TSHR: variants seen among roughly 807,000 people sequenced by gnomAD.
TSHR encodes thyrotropin receptor.
TSHR carries 51 observed loss-of-function variants against 64.1 expected under a neutral mutation model. That is an observed-to-expected ratio of 0.80 (90% CI 0.64 to 1.01). TSHR has a LOEUF of 1.01. TSHR is among the 50% of genes least tolerant of loss of function. The probability of loss-of-function intolerance (pLI) is 0.00; values close to 1 mark genes in which losing one functional copy is unlikely to be tolerated. For synonymous variants in TSHR, 361 were observed against 361.9 expected (o/e 1.00, Z 0.03); for missense variants, 877 against 942.8 (o/e 0.93, Z 0.91).
intron 7 of TSHR, 51 bp from the exon 8 acceptor site, chr14:81,108,324 C>A (rs901533583): frequency 1.4e-6 from 2 of 1,413,900 alleles, no homozygotes; most frequent in Admixed American, 1.7e-5. Flanking sequence ...GATGTGATTT[C>A]TTAAAATCAC....
intron 8 of TSHR, among the ~76,000 whole-genome samples, chr14:81,129,780 G>A (rs540144498): frequency 9.9e-5 from 15 of 152,156 alleles, no homozygotes; most frequent in Middle Eastern, 3.4e-3. Flanking sequence ...CCTCTCTTCC[G>A]TATTTTAAGT....
chr14:81,025,378 ATAAT>A (rs1419141935), intron 1 of TSHR, among the ~76,000 whole-genome samples: 2 of 152,182 alleles, frequency 1.3e-5, no homozygotes, highest in African/African-American at 4.8e-5. Context: ...AAAATTGTAT[ATAAT>A]TAAACTTGCA....
chr14:81,106,438 A>G (rs938362806), intron 7 of TSHR, among the ~76,000 whole-genome samples: 12 of 152,204 alleles, frequency 7.9e-5, no homozygotes, highest in African/African-American at 2.9e-4. Flanking sequence ...ACTCATTCAC[A>G]TATTCATCCA....
At chr14:81,130,681 C>G (rs1180267467) in intron 8 of TSHR, among the ~76,000 whole-genome samples, 1 of 152,174 alleles carries the variant, frequency 6.6e-6, no homozygotes, top group East Asian at 1.9e-4. Flanking sequence ...ACAATTCTCC[C>G]AAATTCCACG....
At chr14:81,104,418 G>A in intron 7 of TSHR, 3 of 985,384 alleles carry the variant, frequency 3.0e-6, no homozygotes, top group Non-Finnish European at 3.6e-6. Context: ...GAGCTGCAAT[G>A]TATCCTAAAA....
intron 1 of TSHR, among the ~76,000 whole-genome samples, chr14:80,976,623 A>C (rs1376442079): frequency 6.6e-6 from 1 of 152,058 alleles, no homozygotes; most frequent in Non-Finnish European, 1.5e-5. Context: ...TTCCAAATAT[A>C]TTTCTCCCTG....
At chr14:81,021,655 G>C (rs1883758936) in intron 1 of TSHR, among the ~76,000 whole-genome samples, 1 of 152,136 alleles carries the variant, frequency 6.6e-6, no homozygotes, top group South Asian at 2.1e-4. Flanking sequence ...TTGTTTAATT[G>C]CATTTATTGC....
chr14:80,981,519 A>T (rs1169450990), intron 1 of TSHR, among the ~76,000 whole-genome samples: 2 of 151,470 alleles, frequency 1.3e-5, no homozygotes, highest in Non-Finnish European at 2.9e-5. Flanking sequence ...TAGCTAGAGG[A>T]CTCTTCTTTT....
intron 8 of TSHR, among the ~76,000 whole-genome samples, chr14:81,123,814 G>A (rs1264442345): frequency 6.6e-6 from 1 of 152,094 alleles, no homozygotes. Flanking sequence ...ATTTAGTTTG[G>A]AAGTATAATA....
chr14:81,102,921 A>G (rs1792283703), intron 7 of TSHR: 1 of 985,346 alleles, frequency 1.0e-6, no homozygotes, highest in African/African-American at 1.7e-5. Flanking sequence ...TCATAATAGA[A>G]AACAAATTTT....
chr14:80,982,444 C>G (rs1888222597), intron 1 of TSHR: 2 of 1,182,738 alleles, frequency 1.7e-6, no homozygotes, highest in Non-Finnish European at 2.3e-6. Context: ...GGAGTTGGAG[C>G]CTGTGACTGG....
intron 1 of TSHR, among the ~76,000 whole-genome samples, chr14:80,956,149 A>G (rs1886667114): frequency 6.6e-6 from 1 of 152,192 alleles, no homozygotes; most frequent in South Asian, 2.1e-4. Flanking sequence ...ACTTTGCCTA[A>G]CCCTGGTTGA....
rs1446501738 is a variant in TSHR at position 81,145,428 on chromosome 14, G to A, written c.*1075G>A. On this transcript the variant is annotated 3_prime_UTR_variant, in exon 10 of 10. Coordinates refer to ENST00000298171, the MANE Select transcript of TSHR (RefSeq NM_000369.5). ...TGTTTCACTTTTGATTATGATGTCT[G>A]AGCCAAAAATTCAATTAAGTAAACA... 1 of 232,938 alleles carries A rather than the reference G, an allele frequency of 4.3e-6. No individual in the cohort carries two copies. Among genetic ancestry groups the A allele is most frequent in the Non-Finnish European group, 8.5e-6 (1 of 118,014 alleles). 14.4% of individuals were successfully genotyped at this position (232,938 alleles called of 1,614,324 possible).
At chr14:81,111,578 C>T (rs922194755) in intron 8 of TSHR, among the ~76,000 whole-genome samples, 3 of 152,168 alleles carry the variant, frequency 2.0e-5, no homozygotes, top group Non-Finnish European at 4.4e-5. Flanking sequence ...CACTACTTTA[C>T]GCCTCTGATC....
At chr14:80,983,464 C>G in intron 1 of TSHR, 1 of 1,340,320 alleles carries the variant, frequency 7.5e-7, no homozygotes, top group Non-Finnish European at 1.0e-6. Flanking sequence ...CTGGCAGCAT[C>G]AAAACTCATC....
Position 80,955,824 on chromosome 14 carries a change from C to CA in TSHR, c.145dup (p.Ser49LysfsTer13). On this transcript the variant is annotated frameshift_variant, in exon 1 of 10. Transcript: ENST00000298171. LOFTEE classifies it high-confidence loss of function. ...CCTGCAAGGATATTCAACGCATCCC[C>CA]AGCTTACCGCCCAGTACGCAGACTC... 6.2e-7 allele frequency: 1 copy of CA among 1,614,206 alleles called. No homozygotes were observed. The highest frequency in any genetic ancestry group is 8.5e-7 in the Non-Finnish European group (1 of 1,180,038).
rs1555385169 is a variant in TSHR, at chr14:81,131,017, A to AAAAAC, written c.693-8660_693-8659insAACAA. Among the ~76,000 whole-genome samples the AAAAAC allele has an allele frequency of 4.6e-5, 7 of 151,738 alleles. No individual in the cohort carries two copies. The East Asian group carries it at 1.2e-3, about 25-fold the overall frequency. On this transcript the variant is annotated intron_variant, in intron 8 of 9. Coordinates refer to ENST00000298171, the MANE Select transcript of TSHR (RefSeq NM_000369.5). ...CGTCTCCAAAAAAAAAAAAAAAAAAAAACACTGCTTGACTGCCGTCACCAT... is the reference window on the plus strand; with the variant it reads ...CGTCTCCAAAAAAAAAAAAAAAAAAAAAAACAACACTGCTTGACTGCCGTCACCAT...
At chr14:81,122,459 C>A (rs1465968037) in intron 8 of TSHR, among the ~76,000 whole-genome samples, 1 of 149,764 alleles carries the variant, frequency 6.7e-6, no homozygotes, top group Admixed American at 6.6e-5. Context: ...AAAAAAAAAA[C>A]AAACAGTTAC....
chr14:80,991,596 G>A (rs724170), intron 1 of TSHR: 193,159 of 398,074 alleles, frequency 0.49, 47,651 homozygotes, highest in East Asian at 0.63. Flanking sequence ...ATTCAACATT[G>A]AAGGAGACAT....
Sources: gnomAD v4.1 joint callset for allele counts (sites outside exome capture counted in the v4.1 genomes callset) on GRCh38, gnomAD v4.1.1 for gene constraint, MANE v1.5 for transcripts, NCBI Gene and HGNC (gene_info 2026-07-23, HGNC 2026-07-21) for gene names.